NR3C2: variants seen among roughly 807,000 people sequenced by gnomAD.
NR3C2 encodes the protein nuclear receptor subfamily 3 group C member 2, also known as mineralocorticoid receptor.
Under a neutral mutation model 86.4 loss-of-function variants are expected in NR3C2, and 15 were observed. That is an observed-to-expected ratio of 0.17 (90% CI 0.12 to 0.27). The LOEUF (loss-of-function observed/expected upper bound fraction) is 0.27, where lower values mean the gene tolerates loss of function less well. Among genes scored for constraint, NR3C2 ranks in the 10% least tolerant of loss-of-function variants. NR3C2 has a pLI of 1.00. For missense variants in NR3C2, 960 were observed against 1,195.6 expected (o/e 0.80, Z 2.91); for synonymous variants, 458 against 450.5 (o/e 1.02, Z -0.21).
intron 2 of NR3C2, among the ~76,000 whole-genome samples, chr4:148,355,433 C>G (rs61761532): frequency 6.6e-5 from 10 of 152,188 alleles, no homozygotes; most frequent in Non-Finnish European, 1.3e-4. Context: ...CTACCCTACT[C>G]CCACTCTGAA....
chr4:148,213,812 A>G (rs888559680), intron 3 of NR3C2, among the ~76,000 whole-genome samples: 2 of 152,244 alleles, frequency 1.3e-5, no homozygotes, highest in African/African-American at 4.8e-5. Flanking sequence ...ATACGCCACG[A>G]AACTACAGTC....
chr4:148,287,829 G>A (rs528287494), intron 2 of NR3C2, among the ~76,000 whole-genome samples: 1 of 152,116 alleles, frequency 6.6e-6, no homozygotes, highest in East Asian at 1.9e-4. Flanking sequence ...AAACTGTCTC[G>A]ACTGCATCAT....
At chr4:148,125,564 G>C (rs1732704994) in intron 6 of NR3C2, among the ~76,000 whole-genome samples, 1 of 152,080 alleles carries the variant, frequency 6.6e-6, no homozygotes, top group African/African-American at 2.4e-5. Context: ...TTTCTTTTGA[G>C]CTTGGCTATA....
chr4:148,335,395 T>C (rs1744428646), intron 2 of NR3C2, among the ~76,000 whole-genome samples: 1 of 152,204 alleles, frequency 6.6e-6, no homozygotes, highest in African/African-American at 2.4e-5. Context: ...TAAATAGGAA[T>C]TTCTCGTAAT....
upstream of NR3C2, chr4:148,444,511 T>C (rs1316575123): frequency 6.1e-6 from 6 of 985,674 alleles, no homozygotes; most frequent in Non-Finnish European, 6.0e-6. Flanking sequence ...GCAAAGTGAC[T>C]GTCGCTGCAC....
intron 3 of NR3C2, among the ~76,000 whole-genome samples, chr4:148,195,381 T>A (rs1318637419): frequency 1.3e-5 from 2 of 152,036 alleles, no homozygotes; most frequent in Non-Finnish European, 2.9e-5. Flanking sequence ...GCTTAGAGAG[T>A]GACATCTATT....
intron 2 of NR3C2, among the ~76,000 whole-genome samples, chr4:148,388,209 T>C (rs1261528122): frequency 6.6e-6 from 1 of 152,232 alleles, no homozygotes; most frequent in Non-Finnish European, 1.5e-5. Context: ...TCCAGTATTT[T>C]AGGGAAAACA....
chr4:148,358,490 A>AG (rs1289245557), intron 2 of NR3C2, among the ~76,000 whole-genome samples: 2 of 49,916 alleles, frequency 4.0e-5, no homozygotes, highest in African/African-American at 1.6e-4. Flanking sequence ...GGGAGGGGGG[A>AG]GGGGTAGCAT....
chr4:148,330,470 C>A (rs944424298), intron 2 of NR3C2, among the ~76,000 whole-genome samples: 3 of 152,166 alleles, frequency 2.0e-5, no homozygotes, highest in Non-Finnish European at 4.4e-5. Flanking sequence ...TAGAAAACAA[C>A]CCTCTTCCTG....
intron 8 of NR3C2, among the ~76,000 whole-genome samples, chr4:148,085,130 C>T (rs1409161519): frequency 6.6e-6 from 1 of 152,156 alleles, no homozygotes; most frequent in African/African-American, 2.4e-5. Flanking sequence ...GACTTGAACT[C>T]AGCTCTGGAC....
intron 2 of NR3C2, among the ~76,000 whole-genome samples, chr4:148,270,972 A>G (rs994881645): frequency 1.2e-4 from 19 of 152,194 alleles, no homozygotes; most frequent in Non-Finnish European, 7.4e-5. Flanking sequence ...GGCTTTAATG[A>G]TAAAACCAGA....
At chr4:148,339,324 A>C (rs899809842) in intron 2 of NR3C2, among the ~76,000 whole-genome samples, 1 of 152,184 alleles carries the variant, frequency 6.6e-6, no homozygotes, top group Non-Finnish European at 1.5e-5. Context: ...GCTTGACTTA[A>C]ATCTTTAGAT....
intron 2 of NR3C2, among the ~76,000 whole-genome samples, chr4:148,346,701 ATTTT>A (rs1203991694): frequency 6.6e-6 from 1 of 152,088 alleles, no homozygotes. Flanking sequence ...TAAGATCTCA[ATTTT>A]TATACTGATA....
intron 2 of NR3C2, among the ~76,000 whole-genome samples, chr4:148,351,205 G>C (rs1419161486): frequency 6.6e-6 from 1 of 152,114 alleles, no homozygotes; most frequent in East Asian, 1.9e-4. Context: ...GAGAGCAGTG[G>C]TGCAATCTCA....
At chr4:148,381,204 G>A (rs1221941664) in intron 2 of NR3C2, among the ~76,000 whole-genome samples, 1 of 151,448 alleles carries the variant, frequency 6.6e-6, no homozygotes, top group Non-Finnish European at 1.5e-5. Flanking sequence ...CTCCAGCCTG[G>A]GCACTAGAGC....
intron 2 of NR3C2, among the ~76,000 whole-genome samples, chr4:148,360,168 A>C (rs1187877028): frequency 1.3e-5 from 2 of 152,264 alleles, no homozygotes; most frequent in Non-Finnish European, 2.9e-5. Context: ...TACATTGCTC[A>C]TCTGCCCCTA....
chr4:148,099,276 C>T (rs1000547365), intron 8 of NR3C2, among the ~76,000 whole-genome samples: 1 of 152,198 alleles, frequency 6.6e-6, no homozygotes. Context: ...AGTGGGACTG[C>T]AAGGCCACAC....
intron 2 of NR3C2, among the ~76,000 whole-genome samples, chr4:148,265,648 T>C (rs930587129): frequency 4.6e-5 from 7 of 152,228 alleles, no homozygotes; most frequent in Non-Finnish European, 1.0e-4. Context: ...CTTAATCAGA[T>C]AAAAGCTTCT....
intron 2 of NR3C2, among the ~76,000 whole-genome samples, chr4:148,413,884 CATT>C (rs146406574): frequency 0.02 from 2,980 of 152,230 alleles, 103 homozygotes; most frequent in African/African-American, 0.068. Context: ...TACTGGCAGG[CATT>C]ATGCAAAGTT....
Sources: allele counts gnomAD v4.1 joint callset (sites outside exome capture counted in the v4.1 genomes callset), GRCh38; gene constraint gnomAD v4.1.1; transcripts MANE v1.5; gene names NCBI Gene and HGNC (gene_info 2026-07-23, HGNC 2026-07-21).